Variants in ZNF804A observed in about 807,000 individuals in gnomAD.
ZNF804A encodes zinc finger protein 804A.
Under a neutral mutation model 16.5 loss-of-function variants are expected in ZNF804A, and 2 were observed. The ratio of observed to expected loss-of-function variants is 0.12; its 90% CI spans 0.05 to 0.38. The LOEUF (loss-of-function observed/expected upper bound fraction) is 0.38. Among genes scored for constraint, ZNF804A ranks in the 10% least tolerant of loss-of-function variants. ZNF804A has a pLI of 0.99. For missense variants in ZNF804A, 1,473 were observed against 1,390.7 expected (o/e 1.06, Z -0.94); for synonymous variants, 534 against 489.6 (o/e 1.09, Z -1.20).
rs558871952 is a variant in ZNF804A at position 184,737,217 on chromosome 2, C to T, written c.112-129152C>T. Among the ~76,000 whole-genome samples the T allele has an allele frequency of 4.6e-5, 7 of 151,702 alleles. No homozygotes were observed. The East Asian group carries it at 1.4e-3, about 29-fold the overall frequency. On this transcript the variant is annotated intron_variant, in intron 1 of 3. Transcript: ENST00000302277. ...GACCACAGGCAATCGCCACCATGCC[C>T]GGTTAATTTTTTTCTATTTTTTTTT...
At chr2:184,902,127 T>C (rs1685192109) in intron 2 of ZNF804A, 1 of 153,652 alleles carries the variant, frequency 6.5e-6, no homozygotes, top group African/African-American at 2.4e-5. Context: ...CCTAATTTTA[T>C]TGGCAACATC....
At chr2:184,625,295 C>G (rs1421969830) in intron 1 of ZNF804A, among the ~76,000 whole-genome samples, 2 of 152,082 alleles carry the variant, frequency 1.3e-5, no homozygotes, top group African/African-American at 4.8e-5. Context: ...AGTTTATACA[C>G]TATCATTAAG....
At chr2:184,894,850 T>C (rs1413392354) in intron 2 of ZNF804A, among the ~76,000 whole-genome samples, 1 of 152,024 alleles carries the variant, frequency 6.6e-6, no homozygotes, top group Non-Finnish European at 1.5e-5. Context: ...CGCGCCCAGC[T>C]AATTTTTTGT....
intron 1 of ZNF804A, among the ~76,000 whole-genome samples, chr2:184,857,060 T>TA (rs1202006454): frequency 1.3e-5 from 2 of 152,138 alleles, no homozygotes; most frequent in African/African-American, 4.8e-5. Flanking sequence ...AGTGTAATAT[T>TA]ATGTTGTTTA....
intron 1 of ZNF804A, among the ~76,000 whole-genome samples, chr2:184,725,017 C>G (rs934823773): frequency 6.6e-6 from 1 of 151,420 alleles, no homozygotes; most frequent in South Asian, 2.1e-4. Context: ...ACAGTTATTC[C>G]TAGGGATTTA....
At chr2:184,644,396 T>G (rs2105695896) in intron 1 of ZNF804A, among the ~76,000 whole-genome samples, 1 of 151,912 alleles carries the variant, frequency 6.6e-6, no homozygotes, top group Non-Finnish European at 1.5e-5. Flanking sequence ...TTTTAGTAAT[T>G]TTTTAAACCA....
chr2:184,731,350 G>A (rs1271640262), intron 1 of ZNF804A, among the ~76,000 whole-genome samples: 8 of 147,004 alleles, frequency 5.4e-5, no homozygotes, highest in African/African-American at 1.8e-4. Context: ...ATTCCCACTA[G>A]CAATAAATGA....
At chr2:184,699,049 T>C (rs1692880255) in intron 1 of ZNF804A, among the ~76,000 whole-genome samples, 1 of 151,962 alleles carries the variant, frequency 6.6e-6, no homozygotes, top group African/African-American at 2.4e-5. Flanking sequence ...GCATGGTGCA[T>C]GGGGGTGGAC....
chr2:184,679,348 C>T (rs1692495936), intron 1 of ZNF804A, among the ~76,000 whole-genome samples: 1 of 152,160 alleles, frequency 6.6e-6, no homozygotes, highest in South Asian at 2.1e-4. Context: ...GCAGCCATTG[C>T]AAAGATGCCA....
Position 184,870,804 on chromosome 2 carries a change from A to C in ZNF804A, c.255+4292A>C, listed in dbSNP as rs767920727. Among the ~76,000 whole-genome samples, 6 of 152,160 alleles carry C rather than the reference A, an allele frequency of 3.9e-5. No homozygotes were observed. In the South Asian group the frequency reaches 1.2e-3, roughly 32 times the overall value. On this transcript the variant is annotated intron_variant, in intron 2 of 3. Coordinates refer to ENST00000302277, the MANE Select transcript of ZNF804A (RefSeq NM_194250.2). The stretch of plus-strand genomic sequence containing the variant: ...AAACTATTTGTAAGGAGAATATTAC[A>C]TATGAGGATGGTGTGACTGTTACAA...
At chr2:184,674,529 T>G (rs552468352) in intron 1 of ZNF804A, among the ~76,000 whole-genome samples, 2 of 151,882 alleles carry the variant, frequency 1.3e-5, no homozygotes, top group South Asian at 4.1e-4. Context: ...TTATAAATAA[T>G]AGTGAAACTT....
intron 2 of ZNF804A, among the ~76,000 whole-genome samples, chr2:184,911,689 T>G (rs1265794370): frequency 6.6e-6 from 1 of 151,936 alleles, no homozygotes. Flanking sequence ...ACCTTTCACC[T>G]CCTTGGTTAG....
intron 1 of ZNF804A, among the ~76,000 whole-genome samples, chr2:184,687,777 C>T (rs1369643892): frequency 6.6e-6 from 1 of 152,114 alleles, no homozygotes; most frequent in Admixed American, 6.6e-5. Context: ...ATTTTATGTT[C>T]TGTATATTTT....
rs188314196 is a variant in ZNF804A, at chr2:184,868,733, C to T, written c.255+2221C>T. Among the ~76,000 whole-genome samples the T allele has an allele frequency of 6.0e-3, 916 of 152,082 alleles. 9 individuals carry two copies. The Middle Eastern group carries it at 0.061, about 10-fold the overall frequency. ...TTCAGATTCCTAAAAGCTGTCTTTC[C>T]TACAACTTTTATGCAGATCCTGTCC... On this transcript the variant is annotated intron_variant, in intron 2 of 3. Transcript: ENST00000302277.
In ZNF804A at chr2:184,653,037, A is replaced by G. The variant is rs140817773; in HGVS notation, c.111+53967A>G. 7.4e-4 allele frequency among the ~76,000 whole-genome samples: 112 copies of G among 152,082 alleles called. 1 individual carries two copies. The East Asian group carries it at 8.7e-3, about 12-fold the overall frequency. ...CTCAGCCCTTCGGAACTGTGAGTCA[A>G]TTAAACCTCTTTCCTTTATAAATTA... On this transcript the variant is annotated intron_variant, in intron 1 of 3. Transcript: ENST00000302277.
chr2:184,828,206 C>A (rs1221494753), intron 1 of ZNF804A, among the ~76,000 whole-genome samples: 1 of 151,618 alleles, frequency 6.6e-6, no homozygotes, highest in Non-Finnish European at 1.5e-5. Context: ...AAAAAGGAAA[C>A]TTACAGAGGT....
At chr2:184,880,324 G>A (rs994388875) in intron 2 of ZNF804A, among the ~76,000 whole-genome samples, 2 of 152,028 alleles carry the variant, frequency 1.3e-5, no homozygotes, top group Admixed American at 6.6e-5. Flanking sequence ...CAGAGATGCA[G>A]CTTAGCTTTT....
intron 1 of ZNF804A, among the ~76,000 whole-genome samples, chr2:184,702,506 T>C (rs187165285): frequency 4.6e-5 from 7 of 152,238 alleles, no homozygotes; most frequent in African/African-American, 1.7e-4. Context: ...GACTCCTGAT[T>C]TCTTCTCTAT....
At chr2:184,833,733 CA>C (rs1298289929) in intron 1 of ZNF804A, among the ~76,000 whole-genome samples, 8 of 151,990 alleles carry the variant, frequency 5.3e-5, no homozygotes, top group Admixed American at 4.6e-4. Flanking sequence ...AACATTATAT[CA>C]GGAGGCACAA....
Sources: allele counts gnomAD v4.1 joint callset (sites outside exome capture counted in the v4.1 genomes callset), GRCh38; gene constraint gnomAD v4.1.1; transcripts MANE v1.5; gene names NCBI Gene and HGNC (gene_info 2026-07-23, HGNC 2026-07-21).